C3orf80: variants seen among roughly 807,000 people sequenced by gnomAD.
C3orf80 encodes the protein uncharacterized membrane protein C3orf80.
C3orf80 carries 10 observed loss-of-function variants against 15.8 expected under a neutral mutation model. The ratio of observed to expected loss-of-function variants is 0.63; its 90% CI spans 0.39 to 1.07. The LOEUF is 1.07. C3orf80 is among the 50% of genes least tolerant of loss of function. The pLI, the probability that C3orf80 is intolerant of heterozygous loss-of-function variation, is 0.01. For missense variants in C3orf80, 364 were observed against 379.3 expected (o/e 0.96, Z 0.34); for synonymous variants, 183 against 192.0 (o/e 0.95, Z 0.39).
rs901127736 is a variant in C3orf80, at chr3:160,226,460, C to G, written c.*81C>G. The stretch of plus-strand genomic sequence containing the variant: ...GCCGGGGTGCCGCCGCCAACTGCCT[C>G]AGACCTTATCTGGCACCCTGGCCTA... On this transcript the variant is annotated 3_prime_UTR_variant, in exon 1 of 1. Coordinates refer to ENST00000326474, the MANE Select transcript of C3orf80 (RefSeq NM_001168214.2). The surrounding 1 kb of genome is among the most constrained non-coding windows in gnomAD (Gnocchi z 5.2). The G allele has an allele frequency of 7.4e-7, 1 of 1,348,542 alleles. No homozygotes were observed. 83.5% of individuals were successfully genotyped at this position (1,348,542 alleles called of 1,614,324 possible).
chr3:160,225,433 C>G lies in C3orf80; in HGVS notation c.-203C>G, dbSNP rs1428215603. 1 of 414,178 alleles carries G rather than the reference C, an allele frequency of 2.4e-6. No homozygotes were observed. The highest frequency in any genetic ancestry group is 4.6e-5 in the Admixed American group (1 of 21,750). 25.7% of individuals were successfully genotyped at this position (414,178 alleles called of 1,614,324 possible). ...CTGCTTGGGCCGCCAGTAGCAGCCGCCTCCCGCAGCCTCCGCGCGCCGCGG... is the reference window on the plus strand; with the variant it reads ...CTGCTTGGGCCGCCAGTAGCAGCCGGCTCCCGCAGCCTCCGCGCGCCGCGG... On this transcript the variant is annotated 5_prime_UTR_variant, in exon 1 of 1. Coordinates refer to ENST00000326474, the MANE Select transcript of C3orf80 (RefSeq NM_001168214.2). The surrounding 1 kb of genome is among the most constrained non-coding windows in gnomAD (Gnocchi z 5.6).
At position 160,227,730 on chromosome 3, in the gene C3orf80, AG is replaced by A. The variant is rs911151688; in HGVS notation, c.*1352del. The A allele has an allele frequency of 6.6e-6, 1 of 152,238 alleles. No homozygotes were observed. The highest frequency in any genetic ancestry group is 1.5e-5 in the Non-Finnish European group (1 of 68,038). 9.4% of individuals were successfully genotyped at this position (152,238 alleles called of 1,614,324 possible). A position where few individuals can be genotyped will look rare whatever the true frequency, so the allele number is the denominator to read the frequency against. The stretch of plus-strand genomic sequence containing the variant: ...CCTGTTCTGTGACACGCCCTTTAAA[AG>A]TAAAAGATAATATAACATATTTTAA... On this transcript the variant is annotated 3_prime_UTR_variant, in exon 1 of 1. Transcript: ENST00000326474.
In C3orf80 at chr3:160,225,833, G is replaced by T. The variant is rs981187147; in HGVS notation, c.198G>T (p.Leu66=). The T allele has an allele frequency of 2.0e-6, 3 of 1,482,418 alleles. No homozygotes were observed. Among genetic ancestry groups the T allele is most frequent in the Non-Finnish European group, 2.7e-6 (3 of 1,121,498 alleles). The allele number at this position is 1,482,418 out of a possible 1,614,324, so 91.8% of individuals were successfully genotyped here. The change falls in exon 1 of 1, where the codon CTG becomes CTT. Residue 66 remains leucine, a synonymous_variant. Transcript: ENST00000326474. This position sits in a 1 kb window ranked among gnomAD's most constrained non-coding sequence, Gnocchi z 5.6. ...TNATAVRCCK[L]PLHAFLDNVG... ...CCACGGCGGTGCGCTGCTGCAAGCT[G>T]CCGCTGCACGCCTTCCTGGACAACG...
Position 160,225,704 on chromosome 3 carries a change from G to T in C3orf80, c.69G>T (p.Leu23=), listed in dbSNP as rs1021214997. 1 of 1,384,768 alleles carries T rather than the reference G, an allele frequency of 7.2e-7. No homozygotes were observed. The allele number at this position is 1,384,768 out of a possible 1,614,324, so 85.8% of individuals were successfully genotyped here. A position where few individuals can be genotyped will look rare whatever the true frequency, so the allele number is the denominator to read the frequency against. Residue 23 remains leucine, a synonymous_variant, in exon 1 of 1, where the codon CTG becomes CTT. Transcript: ENST00000326474. The surrounding 1 kb of genome is among the most constrained non-coding windows in gnomAD (Gnocchi z 5.6). Reference sequence around the variant, plus strand: ...CGGCGCCGCCGCCTCTGCTGCCGCTGCTGCTACTGCTGGCGCTGGCGCTGG... The same window carrying T: ...CGGCGCCGCCGCCTCTGCTGCCGCTTCTGCTACTGCTGGCGCTGGCGCTGG... ...VAPAPPPLLP[L]LLLLALALVA...
chr3:160,225,547 G>T lies in C3orf80; in HGVS notation c.-89G>T, dbSNP rs1725646896. 3 of 1,191,380 alleles carry T rather than the reference G, an allele frequency of 2.5e-6. No individual in the cohort carries two copies. The highest frequency in any genetic ancestry group is 3.2e-6 in the Non-Finnish European group (3 of 948,150). The allele number at this position is 1,191,380 out of a possible 1,614,324, so 73.8% of individuals were successfully genotyped here. On this transcript the variant is annotated 5_prime_UTR_variant, in exon 1 of 1. Coordinates refer to ENST00000326474, the MANE Select transcript of C3orf80 (RefSeq NM_001168214.2). This position sits in a 1 kb window ranked among gnomAD's most constrained non-coding sequence, Gnocchi z 5.6. ...GGGAGGCGGCGCGCGCGGGACCCGA[G>T]CGGAGCGCCGGGGAGGGGCCGACGG...
At position 160,226,040 on chromosome 3, in the gene C3orf80, C is replaced by A. The variant is rs1208796550; in HGVS notation, c.405C>A (p.Pro135=). 3 of 1,374,178 alleles carry A rather than the reference C, an allele frequency of 2.2e-6. No individual in the cohort carries two copies. Among genetic ancestry groups the A allele is most frequent in the African/African-American group, 3.0e-5 (2 of 65,972 alleles). The allele number at this position is 1,374,178 out of a possible 1,614,324, so 85.1% of individuals were successfully genotyped here. A position where few individuals can be genotyped will look rare whatever the true frequency, so the allele number is the denominator to read the frequency against. The stretch of plus-strand genomic sequence containing the variant: ...GACCGCTGGGGGGCGCGGGGCCGCC[C>A]GACGACGACGACGACTCGCCCGCTC... ...GAGPLGGAGP[P]DDDDDSPALL... The change falls in exon 1 of 1, where the codon CCC becomes CCA. Residue 135 remains proline, a synonymous_variant. Transcript: ENST00000326474. This position sits in a 1 kb window ranked among gnomAD's most constrained non-coding sequence, Gnocchi z 5.2.
In C3orf80 at chr3:160,226,158, C is replaced by G; in HGVS notation, c.523C>G (p.Pro175Ala). Reference protein sequence around the residue: ...RGRGGGGRSDPSCASEHEMRV... With the variant: ...RGRGGGGRSDASCASEHEMRV... ...CCGGGGAGGCGGCGGGCGCTCGGAC[C>G]CCTCCTGCGCCTCAGAGCACGAGAT... Residue 175 changes from proline to alanine, a missense_variant, in exon 1 of 1, where the codon CCC becomes GCC. Pro to Ala is a conservative substitution (Grantham distance 27). Coordinates refer to ENST00000326474, the MANE Select transcript of C3orf80 (RefSeq NM_001168214.2). This position sits in a 1 kb window ranked among gnomAD's most constrained non-coding sequence, Gnocchi z 5.2. 6.6e-7 allele frequency: 1 copy of G among 1,524,272 alleles called. No homozygotes were observed. The highest frequency in any genetic ancestry group is 8.8e-7 in the Non-Finnish European group (1 of 1,142,090). The allele number at this position is 1,524,272 out of a possible 1,614,324, so 94.4% of individuals were successfully genotyped here.
chr3:160,225,503 C>T lies in C3orf80; in HGVS notation c.-133C>T. ...CGTGGCCAAGTGAGGACTGCTCCGGCCGCAGGTAGCTGAGGCGCGGGAGGC... is the reference window on the plus strand; with the variant it reads ...CGTGGCCAAGTGAGGACTGCTCCGGTCGCAGGTAGCTGAGGCGCGGGAGGC... On this transcript the variant is annotated 5_prime_UTR_variant, in exon 1 of 1. Transcript: ENST00000326474. This position sits in a 1 kb window ranked among gnomAD's most constrained non-coding sequence, Gnocchi z 5.6. 1 of 887,326 alleles carries T rather than the reference C, an allele frequency of 1.1e-6. No homozygotes were observed. The highest frequency in any genetic ancestry group is 1.5e-6 in the Non-Finnish European group (1 of 674,288). The allele number at this position is 887,326 out of a possible 1,614,324, so 55.0% of individuals were successfully genotyped here.
In C3orf80 at chr3:160,226,441, G is replaced by T; in HGVS notation, c.*62G>T. The T allele has an allele frequency of 1.5e-6, 2 of 1,378,922 alleles. No homozygotes were observed. The highest frequency in any genetic ancestry group is 9.3e-7 in the Non-Finnish European group (1 of 1,071,742). The allele number at this position is 1,378,922 out of a possible 1,614,324, so 85.4% of individuals were successfully genotyped here. On this transcript the variant is annotated 3_prime_UTR_variant, in exon 1 of 1. Coordinates refer to ENST00000326474, the MANE Select transcript of C3orf80 (RefSeq NM_001168214.2). The surrounding 1 kb of genome is among the most constrained non-coding windows in gnomAD (Gnocchi z 5.2). ...CTGCGGGTGGCAAGCAACGGCCGGG[G>T]TGCCGCCGCCAACTGCCTCAGACCT...
rs1361620313 is a variant in C3orf80, at chr3:160,225,517, G to GGCGCGGGAGGCGGCGC, written c.-110_-95dup. ...GACTGCTCCGGCCGCAGGTAGCTGA[G>GGCGCGGGAGGCGGCGC]GCGCGGGAGGCGGCGCGCGCGGGAC... On this transcript the variant is annotated 5_prime_UTR_variant, in exon 1 of 1. Coordinates refer to ENST00000326474, the MANE Select transcript of C3orf80 (RefSeq NM_001168214.2). This position sits in a 1 kb window ranked among gnomAD's most constrained non-coding sequence, Gnocchi z 5.6. 3.0e-6 allele frequency: 3 copies of GGCGCGGGAGGCGGCGC among 999,380 alleles called. No homozygotes were observed. The highest frequency in any genetic ancestry group is 3.4e-5 in the African/African-American group (2 of 58,806). 61.9% of individuals were successfully genotyped at this position (999,380 alleles called of 1,614,324 possible). A position where few individuals can be genotyped will look rare whatever the true frequency, so the allele number is the denominator to read the frequency against.
rs957228106 is a variant in C3orf80 at position 160,225,776 on chromosome 3, C to G, written c.141C>G (p.Gly47=). Reference sequence around the variant, plus strand: ...GGGGCTGCGCTGAGCTGGCGTGCGGCGAGCGGGAGCGCTGCTGCGACGCGA... The same window carrying G: ...GGGGCTGCGCTGAGCTGGCGTGCGGGGAGCGGGAGCGCTGCTGCGACGCGA... ...GGGGCAELAC[G]ERERCCDATN... Residue 47 remains glycine (G), a synonymous_variant, in exon 1 of 1, where the codon GGC becomes GGG. Transcript: ENST00000326474. The surrounding 1 kb of genome is among the most constrained non-coding windows in gnomAD (Gnocchi z 5.6). 5.5e-5 allele frequency: 80 copies of G among 1,450,902 alleles called. No individual in the cohort carries two copies. The highest frequency in any genetic ancestry group is 7.1e-5 in the Non-Finnish European group (78 of 1,105,674). The allele number at this position is 1,450,902 out of a possible 1,614,324, so 89.9% of individuals were successfully genotyped here. A position where few individuals can be genotyped will look rare whatever the true frequency, so the allele number is the denominator to read the frequency against.
rs1032282581 is a variant in C3orf80, at chr3:160,225,484, C to T, written c.-152C>T. The stretch of plus-strand genomic sequence containing the variant: ...GCTCCTCCTCCCGCCCAAGCGTGGC[C>T]AAGTGAGGACTGCTCCGGCCGCAGG... On this transcript the variant is annotated 5_prime_UTR_variant, in exon 1 of 1. Transcript: ENST00000326474. The surrounding 1 kb of genome is among the most constrained non-coding windows in gnomAD (Gnocchi z 5.6). 6.6e-5 allele frequency: 46 copies of T among 698,084 alleles called. No individual in the cohort carries two copies. In the African/African-American group the frequency reaches 7.5e-4, roughly 11 times the overall value. 43.2% of individuals were successfully genotyped at this position (698,084 alleles called of 1,614,324 possible). A position where few individuals can be genotyped will look rare whatever the true frequency, so the allele number is the denominator to read the frequency against.
Position 160,225,834 on chromosome 3 carries a change from C to A in C3orf80, c.199C>A (p.Pro67Thr). Residue 67 changes from proline (P) to threonine (T), a missense_variant, in exon 1 of 1, where the codon CCG becomes ACG. Coordinates refer to ENST00000326474, the MANE Select transcript of C3orf80 (RefSeq NM_001168214.2). The surrounding 1 kb of genome is among the most constrained non-coding windows in gnomAD (Gnocchi z 5.6). ...CACGGCGGTGCGCTGCTGCAAGCTG[C>A]CGCTGCACGCCTTCCTGGACAACGT... ...NATAVRCCKL[P>T]LHAFLDNVGW... 6.7e-7 allele frequency: 1 copy of A among 1,482,390 alleles called. No homozygotes were observed. The highest frequency in any genetic ancestry group is 8.9e-7 in the Non-Finnish European group (1 of 1,121,460). The allele number at this position is 1,482,390 out of a possible 1,614,324, so 91.8% of individuals were successfully genotyped here.
rs771146945 is a variant in C3orf80 at position 160,226,071 on chromosome 3, C to T, written c.436C>T (p.Arg146Cys). ...DDDDDSPALL[R>C]DEAAAGSQDS... Reference sequence around the variant, plus strand: ...CGACGACGACTCGCCCGCTCTGCTGCGCGACGAGGCGGCAGCCGGCTCTCA... The same window carrying T: ...CGACGACGACTCGCCCGCTCTGCTGTGCGACGAGGCGGCAGCCGGCTCTCA... The change falls in exon 1 of 1, where the codon CGC (arginine) becomes TGC (cysteine). Residue 146 changes from arginine to cysteine, a missense_variant. By Grantham distance (180) the Arg-to-Cys change is radical. Transcript: ENST00000326474. The surrounding 1 kb of genome is among the most constrained non-coding windows in gnomAD (Gnocchi z 5.2). 2.1e-6 allele frequency: 3 copies of T among 1,462,278 alleles called. No individual in the cohort carries two copies. The South Asian group carries it at 4.0e-5, about 19-fold the overall frequency. The allele number at this position is 1,462,278 out of a possible 1,614,324, so 90.6% of individuals were successfully genotyped here. A position where few individuals can be genotyped will look rare whatever the true frequency, so the allele number is the denominator to read the frequency against.
Position 160,225,635 on chromosome 3 carries a change from C to A in C3orf80, c.-1C>A. The A allele has an allele frequency of 7.3e-7, 1 of 1,362,284 alleles. No homozygotes were observed. The highest frequency in any genetic ancestry group is 9.4e-7 in the Non-Finnish European group (1 of 1,064,202). 84.4% of individuals were successfully genotyped at this position (1,362,284 alleles called of 1,614,324 possible). A position where few individuals can be genotyped will look rare whatever the true frequency, so the allele number is the denominator to read the frequency against. ...GACGTTAGCCGAGGTCTGCGCGGGC[C>A]ATGTGGGGACCCGGGGTCACTGCTG... On this transcript the variant is annotated 5_prime_UTR_variant, in exon 1 of 1. Transcript: ENST00000326474. This position sits in a 1 kb window ranked among gnomAD's most constrained non-coding sequence, Gnocchi z 5.6.
At position 160,227,644 on chromosome 3, in the gene C3orf80, A is replaced by C. The variant is rs1473976560; in HGVS notation, c.*1265A>C. 6.6e-6 allele frequency: 1 copy of C among 152,230 alleles called. No homozygotes were observed. The highest frequency in any genetic ancestry group is 2.1e-4 in the South Asian group (1 of 4,830). 9.4% of individuals were successfully genotyped at this position (152,230 alleles called of 1,614,324 possible). A position where few individuals can be genotyped will look rare whatever the true frequency, so the allele number is the denominator to read the frequency against. On this transcript the variant is annotated 3_prime_UTR_variant, in exon 1 of 1. Transcript: ENST00000326474. Reference sequence around the variant, plus strand: ...ACTCGTTTAAAGCCATTAATTGTGCAGTAATGTGCTACAGGATTCAATCAG... The same window carrying C: ...ACTCGTTTAAAGCCATTAATTGTGCCGTAATGTGCTACAGGATTCAATCAG...
At position 160,226,035 on chromosome 3, in the gene C3orf80, C is replaced by G. The variant is rs376126153; in HGVS notation, c.400C>G (p.Pro134Ala). 1.3e-4 allele frequency: 175 copies of G among 1,376,474 alleles called. 1 individual carries two copies. In the East Asian group the frequency reaches 2.1e-3, roughly 17 times the overall value. 85.3% of individuals were successfully genotyped at this position (1,376,474 alleles called of 1,614,324 possible). ...CGCCGGACCGCTGGGGGGCGCGGGG[C>G]CGCCCGACGACGACGACGACTCGCC... ...GGAGPLGGAG[P>A]PDDDDDSPAL... Residue 134 changes from proline to alanine, a missense_variant, in exon 1 of 1, where the codon CCG (proline) becomes GCG (alanine). Transcript: ENST00000326474. The surrounding 1 kb of genome is among the most constrained non-coding windows in gnomAD (Gnocchi z 5.2).
At position 160,226,438 on chromosome 3, in the gene C3orf80, G is replaced by A. The variant is rs1711500115; in HGVS notation, c.*59G>A. On this transcript the variant is annotated 3_prime_UTR_variant, in exon 1 of 1. Coordinates refer to ENST00000326474, the MANE Select transcript of C3orf80 (RefSeq NM_001168214.2). The surrounding 1 kb of genome is among the most constrained non-coding windows in gnomAD (Gnocchi z 5.2). ...GGGCTGCGGGTGGCAAGCAACGGCCGGGGTGCCGCCGCCAACTGCCTCAGA... is the reference window on the plus strand; with the variant it reads ...GGGCTGCGGGTGGCAAGCAACGGCCAGGGTGCCGCCGCCAACTGCCTCAGA... The A allele has an allele frequency of 7.2e-7, 1 of 1,379,466 alleles. No individual in the cohort carries two copies. The allele number at this position is 1,379,466 out of a possible 1,614,324, so 85.5% of individuals were successfully genotyped here.
Position 160,226,649 on chromosome 3 carries a change from T to G in C3orf80, c.*270T>G. ...CCAGCGCACCTTCGAAGGACGTCCC[T>G]GCCCTCTGCCTTGCCTCGTATTGTG... is the stretch of plus-strand genomic sequence containing the variant. On this transcript the variant is annotated 3_prime_UTR_variant, in exon 1 of 1. Transcript: ENST00000326474. The surrounding 1 kb of genome is among the most constrained non-coding windows in gnomAD (Gnocchi z 5.2). 1 of 420,310 alleles carries G rather than the reference T, an allele frequency of 2.4e-6. No homozygotes were observed. Among genetic ancestry groups the G allele is most frequent in the Non-Finnish European group, 4.2e-6 (1 of 238,070 alleles). The allele number at this position is 420,310 out of a possible 1,614,324, so 26.0% of individuals were successfully genotyped here.
Sources: allele counts gnomAD v4.1 joint callset, GRCh38; gene constraint gnomAD v4.1.1; non-coding constraint Gnocchi (gnomAD v3.1); transcripts MANE v1.5; gene names NCBI Gene and HGNC (gene_info 2026-07-23, HGNC 2026-07-21).